The following BAX variants were observed in gnomAD, a reference collection of about 807,000 sequenced individuals.
The protein encoded by BAX is BCL2 associated X, apoptosis regulator, also known as apoptosis regulator BAX.
BAX carries 21 observed loss-of-function variants against 26.8 expected under a neutral mutation model. The ratio of observed to expected loss-of-function variants is 0.78; its 90% CI spans 0.56 to 1.13. The LOEUF (loss-of-function observed/expected upper bound fraction) is 1.13. Ranked by LOEUF, BAX falls within the 50% of genes most tolerant of loss-of-function variation. BAX has a pLI of 0.00. For synonymous variants in BAX, 110 were observed against 101.8 expected, an observed-to-expected ratio of 1.08 and a Z score of -0.49; for missense variants, 236 against 254.6, an observed-to-expected ratio of 0.93 and a Z score of 0.50.
At position 48,955,700 on chromosome 19, in the gene BAX, C is replaced by T. The variant is rs752527728; in HGVS notation, c.100C>T (p.Arg34Ter). ...ALLLQGFIQD[R>*]AGRMGGEAPE... ...TCCCCACTCTAGTTTCATCCAGGAT[C>T]GAGCAGGGCGAATGGGGGGGGAGGC... Residue 34 changes from arginine to a stop codon, truncating the protein, a stop_gained, in exon 3 of 6, where the codon CGA becomes TGA. Transcript: ENST00000345358. LOFTEE classifies it high-confidence loss of function. 1 of 1,612,152 alleles carries T rather than the reference C, an allele frequency of 6.2e-7. No individual in the cohort carries two copies. The highest frequency in any genetic ancestry group is 8.5e-7 in the Non-Finnish European group (1 of 1,178,854).
At chr19:48,956,157 T>C in intron 3 of BAX, 41 bp from the exon 4 acceptor site, 1 of 1,480,200 alleles carries the variant, frequency 6.8e-7, no homozygotes, top group Non-Finnish European at 9.0e-7. Context: ...ACCATCAGCC[T>C]GATGCCTGCT....
chr19:48,959,237 C>A (rs1209354673), intron 4 of BAX, among the ~76,000 whole-genome samples: 1 of 150,422 alleles, frequency 6.6e-6, no homozygotes, highest in African/African-American at 2.5e-5. Flanking sequence ...GTAGTCCCAG[C>A]TACTCGGGAG....
chr19:48,961,500 G>A (rs1408812089), intron 5 of BAX, 32 bp from the exon 6 acceptor site: 2 of 1,559,486 alleles, frequency 1.3e-6, no homozygotes, highest in Non-Finnish European at 1.7e-6. Context: ...CCCTGGCCGA[G>A]TCACTGAAGC....
chr19:48,957,936 A>C (rs1166938418), intron 4 of BAX, among the ~76,000 whole-genome samples: 1 of 152,074 alleles, frequency 6.6e-6, no homozygotes, highest in Non-Finnish European at 1.5e-5. Context: ...TCATAAGAAA[A>C]TGTGGTGGGG....
chr19:48,960,406 C>T, intron 4 of BAX: 1 of 316,618 alleles, frequency 3.2e-6, no homozygotes, highest in South Asian at 2.4e-5. Context: ...TCTTGTTGCC[C>T]AGGCTGGAGT....
chr19:48,959,992 T>TAAAAAAAAA (rs563583240), intron 4 of BAX, among the ~76,000 whole-genome samples: 1,422 of 102,664 alleles, frequency 0.014, 58 homozygotes, highest in African/African-American at 0.052. Context: ...GACTCCATCT[T>TAAAAAAAAA]AAAAAAAAAA....
rs2038370588 is a variant in BAX, at chr19:48,961,750, TGTGGGGAAGA to T, written c.*119_*128del. 1 of 694,176 alleles carries T rather than the reference TGTGGGGAAGA, an allele frequency of 1.4e-6. No homozygotes were observed. Among genetic ancestry groups the T allele is most frequent in the African/African-American group, 1.9e-5 (1 of 52,174 alleles). The allele number at this position is 694,176 out of a possible 1,614,324, so 43.0% of individuals were successfully genotyped here. ...TCTTACTTTTGTAATTATTGGGGGG[TGTGGGGAAGA>T]GTGGTCTTGAGGGGGTAATAAACCT... is the stretch of plus-strand genomic sequence containing the variant. On this transcript the variant is annotated 3_prime_UTR_variant, in exon 6 of 6. Transcript: ENST00000345358.
chr19:48,957,065 C>T (rs1033577739), intron 4 of BAX, among the ~76,000 whole-genome samples: 2 of 149,930 alleles, frequency 1.3e-5, no homozygotes, highest in African/African-American at 2.4e-5. Context: ...CTATAGTGAT[C>T]GGGGGGAAGA....
intron 1 of BAX, chr19:48,955,272 G>A: frequency 2.4e-6 from 1 of 417,988 alleles, no homozygotes; most frequent in South Asian, 1.1e-4. Flanking sequence ...TGGGAGGGGC[G>A]GGTCTCGCCT....
intron 3 of BAX, 84 bp downstream of exon 3, chr19:48,955,917 C>G (rs548034937): frequency 6.8e-7 from 1 of 1,461,560 alleles, no homozygotes; most frequent in East Asian, 2.4e-5. Flanking sequence ...TCCTCCTCCC[C>G]TAAGAACTAG....
Position 48,961,563 on chromosome 19 carries a change from C to G in BAX, c.506C>G (p.Thr169Arg). 1 of 1,611,440 alleles carries G rather than the reference C, an allele frequency of 6.2e-7. No homozygotes were observed. Among genetic ancestry groups the G allele is most frequent in the Non-Finnish European group, 8.5e-7 (1 of 1,178,900 alleles). Residue 169 changes from threonine to arginine, a missense_variant, in exon 6 of 6, where the codon ACG (threonine) becomes AGG (arginine). Transcript: ENST00000345358. ...DGLLSYFGTPTWQTVTIFVAG... is the reference protein window; with the variant it reads ...DGLLSYFGTPRWQTVTIFVAG... ...CTCCTCTCCTACTTTGGGACGCCCA[C>G]GTGGCAGACCGTGACCATCTTTGTG...
At position 48,954,909 on chromosome 19, in the gene BAX, C is replaced by T. The variant is rs1047860783; in HGVS notation, c.-20C>T. On this transcript the variant is annotated 5_prime_UTR_variant, in exon 1 of 6. Coordinates refer to ENST00000345358, the MANE Select transcript of BAX (RefSeq NM_138761.4). ...CCGCCCGCGCGGACCCGGCGAGAGGCGGCGGCGGGAGCGGCGGTGATGGAC... is the reference window on the plus strand; with the variant it reads ...CCGCCCGCGCGGACCCGGCGAGAGGTGGCGGCGGGAGCGGCGGTGATGGAC... 1.6e-6 allele frequency: 2 copies of T among 1,230,432 alleles called. No individual in the cohort carries two copies. Among genetic ancestry groups the T allele is most frequent in the Non-Finnish European group, 2.0e-6 (2 of 986,192 alleles). The allele number at this position is 1,230,432 out of a possible 1,614,324, so 76.2% of individuals were successfully genotyped here.
intron 4 of BAX, chr19:48,960,155 A>G (rs964934133): frequency 7.3e-6 from 3 of 412,044 alleles, no homozygotes; most frequent in African/African-American, 6.2e-5. Context: ...GGGGTGGGGC[A>G]GTTGAGAGTA....
chr19:48,961,752 T>A lies in BAX; in HGVS notation c.*116T>A, dbSNP rs955465774. ...TTACTTTTGTAATTATTGGGGGGTG[T>A]GGGGAAGAGTGGTCTTGAGGGGGTA... On this transcript the variant is annotated 3_prime_UTR_variant, in exon 6 of 6. Transcript: ENST00000345358. 8.8e-6 allele frequency: 6 copies of A among 682,346 alleles called. No individual in the cohort carries two copies. Among genetic ancestry groups the A allele is most frequent in the African/African-American group, 2.0e-5 (1 of 49,644 alleles). The allele number at this position is 682,346 out of a possible 1,614,324, so 42.3% of individuals were successfully genotyped here.
chr19:48,958,021 G>A (rs1277845396), intron 4 of BAX, among the ~76,000 whole-genome samples: 2 of 152,098 alleles, frequency 1.3e-5, no homozygotes, highest in African/African-American at 2.4e-5. Flanking sequence ...GAGGATCCTG[G>A]AGAGGTGGCA....
chr19:48,957,555 G>A (rs369886408), intron 4 of BAX, among the ~76,000 whole-genome samples: 7 of 152,000 alleles, frequency 4.6e-5, no homozygotes, highest in African/African-American at 1.5e-4. Flanking sequence ...GATTACAGGC[G>A]TGAACCACTG....
intron 4 of BAX, among the ~76,000 whole-genome samples, chr19:48,959,235 A>C (rs1031456229): frequency 6.6e-6 from 1 of 150,788 alleles, no homozygotes; most frequent in Non-Finnish European, 1.5e-5. Context: ...TTGTAGTCCC[A>C]GCTACTCGGG....
In BAX at chr19:48,960,927, A is replaced by C. The variant is rs779479574; in HGVS notation, c.474+13A>C. 6.8e-6 allele frequency: 11 copies of C among 1,613,530 alleles called. No homozygotes were observed. The highest frequency in any genetic ancestry group is 9.3e-6 in the Non-Finnish European group (11 of 1,179,852). ...CCAGGGTGGTTGGGTGAGACTCCTC[A>C]AGCCTCCTCACCCCCACCACCGCGC... On this transcript the variant is annotated intron_variant, in intron 5 of 5. Coordinates refer to ENST00000345358, the MANE Select transcript of BAX (RefSeq NM_138761.4).
At chr19:48,960,157 T>G (rs1478214024) in intron 4 of BAX, 2 of 414,020 alleles carry the variant, frequency 4.8e-6, no homozygotes, top group East Asian at 1.5e-4. Flanking sequence ...GGTGGGGCAG[T>G]TGAGAGTAAC....
Sources: allele counts gnomAD v4.1 joint callset (sites outside exome capture counted in the v4.1 genomes callset), GRCh38; gene constraint gnomAD v4.1.1; transcripts MANE v1.5; gene names NCBI Gene and HGNC (gene_info 2026-07-23, HGNC 2026-07-21).